The following ERCC6L variants were observed in gnomAD, a reference collection of about 807,000 sequenced individuals.
The protein encoded by ERCC6L is ERCC excision repair 6 like, spindle assembly checkpoint helicase, also known as DNA excision repair protein ERCC-6-like.
A neutral mutation model predicts 20.1 loss-of-function variants in ERCC6L; 7 were observed. That is an observed-to-expected ratio of 0.35 (90% CI 0.20 to 0.65). The LOEUF (loss-of-function observed/expected upper bound fraction) is 0.65. ERCC6L is among the 30% of genes least tolerant of loss of function. The probability of loss-of-function intolerance (pLI) is 0.69; values close to 1 mark genes in which losing one functional copy is unlikely to be tolerated. For missense variants in ERCC6L, 592 were observed against 892.4 expected, an observed-to-expected ratio of 0.66 and a Z score of 4.29; for synonymous variants, 278 against 331.3, an observed-to-expected ratio of 0.84 and a Z score of 1.75.
At chrX:72,213,002 A>G (rs1451401685) in intron 1 of ERCC6L, among the ~76,000 whole-genome samples, 1 of 112,339 alleles carries the variant, frequency 8.9e-6, no homozygotes, top group African/African-American at 3.2e-5. Flanking sequence ...TAACTCAATA[A>G]AACTTTGTTT....
chrX:72,213,646 C>T (rs2042870376), intron 1 of ERCC6L, among the ~76,000 whole-genome samples: 1 of 112,339 alleles, frequency 8.9e-6, no homozygotes, highest in Non-Finnish European at 1.9e-5. Context: ...CGCCCATTGC[C>T]GCTCCCAATC....
chrX:72,238,948 T>TTTGGAGCTTGGAGC lies in ERCC6L; in HGVS notation c.-51_-38dup, dbSNP rs749542997. ...TGGGTTCCAGTTACCCCGGCGGGAG[T>TTTGGAGCTTGGAGC]TTGGAGCTTGGAGCTTGGAGCTTGG... On this transcript the variant is annotated 5_prime_UTR_variant, in exon 1 of 2. Transcript: ENST00000334463. 0.02 allele frequency: 21,961 copies of TTTGGAGCTTGGAGC among 1,113,125 alleles called. 339 individuals are homozygous for TTTGGAGCTTGGAGC. The highest frequency in any genetic ancestry group is 0.02 in the Non-Finnish European group (16,677 of 822,765). 91.7% of individuals were successfully genotyped at this position (1,113,125 alleles called of 1,213,427 possible).
At chrX:72,237,644 G>A (rs1008926341) in intron 1 of ERCC6L, among the ~76,000 whole-genome samples, 3 of 106,866 alleles carry the variant, frequency 2.8e-5, no homozygotes, top group Non-Finnish European at 5.8e-5. Context: ...TGCGCCTGTG[G>A]TCCCAGCTAC....
intron 1 of ERCC6L, among the ~76,000 whole-genome samples, chrX:72,236,713 C>T (rs1475778662): frequency 8.9e-6 from 1 of 112,080 alleles, no homozygotes; most frequent in Non-Finnish European, 1.9e-5. Context: ...CAACTTTAAG[C>T]AAAATGACAC....
In ERCC6L at chrX:72,207,770, C is replaced by G. The variant is rs746565139; in HGVS notation, c.997G>C (p.Val333Leu). ...GGGTTGCTTGACTTTTTCTTCTGTA[C>G]GTCTTCTTTAGTCCTCCTGAGAAAA... ...PYFLRRTKED[V>L]QKKKSSNPEA... is the part of the protein sequence containing the mutation. Residue 333 changes from valine to leucine, a missense_variant, in exon 2 of 2, where the codon GTA becomes CTA. By Grantham distance (32) the Val-to-Leu change is conservative. Coordinates refer to ENST00000334463, the MANE Select transcript of ERCC6L (RefSeq NM_017669.4). 2.5e-6 allele frequency: 3 copies of G among 1,209,009 alleles called. No homozygotes were observed. In the African/African-American group the frequency reaches 5.3e-5, roughly 21 times the overall value.
At chrX:72,208,839 A>T in intron 1 of ERCC6L, 141 bp from the exon 2 acceptor site, 1 of 498,563 alleles carries the variant, frequency 2.0e-6, no homozygotes, top group Non-Finnish European at 3.2e-6. Context: ...AGCACACAAG[A>T]TGCCAATGAA....
intron 1 of ERCC6L, among the ~76,000 whole-genome samples, chrX:72,226,132 T>C (rs1402704664): frequency 3.6e-5 from 4 of 111,823 alleles, no homozygotes; most frequent in African/African-American, 1.3e-4. Flanking sequence ...TGCTCCCCCC[T>C]TAATCCTGCC....
chrX:72,214,729 G>A (rs1268425288), intron 1 of ERCC6L, among the ~76,000 whole-genome samples: 1 of 104,941 alleles, frequency 9.5e-6, no homozygotes, highest in African/African-American at 3.5e-5. Flanking sequence ...GCTCACACCT[G>A]TAATCCTAGC....
intron 1 of ERCC6L, among the ~76,000 whole-genome samples, chrX:72,232,445 G>A (rs370061975): frequency 8.0e-4 from 80 of 100,378 alleles, no homozygotes; most frequent in African/African-American, 3.0e-3. Flanking sequence ...AAAAGACATG[G>A]CATTCCAACA....
intron 1 of ERCC6L, among the ~76,000 whole-genome samples, chrX:72,220,923 C>A (rs1248753104): frequency 8.9e-6 from 1 of 111,856 alleles, no homozygotes; most frequent in Non-Finnish European, 1.9e-5. Flanking sequence ...GGGGCAGAGG[C>A]TCTCTTGCAA....
At chrX:72,212,160 C>G (rs570439969) in intron 1 of ERCC6L, among the ~76,000 whole-genome samples, 2 of 110,159 alleles carry the variant, frequency 1.8e-5, no homozygotes, top group South Asian at 7.9e-4. Context: ...GCCTGTAATC[C>G]CAGCTACTCG....
At chrX:72,236,181 T>TG (rs1188595243) in intron 1 of ERCC6L, among the ~76,000 whole-genome samples, 2 of 112,390 alleles carry the variant, frequency 1.8e-5, no homozygotes, top group Non-Finnish European at 3.8e-5. Flanking sequence ...CTGCTGGGCA[T>TG]GGTGGCTCAC....
chrX:72,237,986 G>A (rs1165587361), intron 1 of ERCC6L: 1 of 110,892 alleles, frequency 9.0e-6, no homozygotes, highest in African/African-American at 3.3e-5. Context: ...AATTCACAGA[G>A]ACAGAATAAT....
intron 1 of ERCC6L, among the ~76,000 whole-genome samples, chrX:72,227,593 A>G (rs73225104): frequency 0.015 from 1,620 of 111,101 alleles, 9 homozygotes; most frequent in Middle Eastern, 0.023. Flanking sequence ...CCTCTTCTGT[A>G]TATTATCCGC....
At chrX:72,219,739 C>T (rs776031323) in intron 1 of ERCC6L, among the ~76,000 whole-genome samples, 1 of 108,704 alleles carries the variant, frequency 9.2e-6, no homozygotes, top group Non-Finnish European at 1.9e-5. Flanking sequence ...ATCCCAGCTA[C>T]TCAGGAGGCT....
intron 1 of ERCC6L, among the ~76,000 whole-genome samples, chrX:72,221,331 C>T (rs1184390110): frequency 8.9e-6 from 1 of 111,958 alleles, no homozygotes; most frequent in African/African-American, 3.3e-5. Flanking sequence ...GTTAGGTCTG[C>T]CATCCCGGTC....
chrX:72,212,608 G>A (rs1056718760), intron 1 of ERCC6L, among the ~76,000 whole-genome samples: 13 of 111,993 alleles, frequency 1.2e-4, no homozygotes, highest in Non-Finnish European at 2.1e-4. Flanking sequence ...CCTTGCTATG[G>A]AGGGCCCTTT....
chrX:72,206,917 C>T lies in ERCC6L; in HGVS notation c.1850G>A (p.Arg617Gln), dbSNP rs1334048330. The change falls in exon 2 of 2, where the codon CGA (arginine) becomes CAA (glutamine). Residue 617 changes from arginine to glutamine, a missense_variant. Coordinates refer to ENST00000334463, the MANE Select transcript of ERCC6L (RefSeq NM_017669.4). The stretch of plus-strand genomic sequence containing the variant: ...TCTTAATTCTTGTTTACTAAAATAT[C>T]GGAAAGGGTTCTTTTTTTCACCAGT... The part of the protein sequence containing the change: ...QTTGEKKNPF[R>Q]YFSKQELREL... The T allele has an allele frequency of 5.8e-6, 7 of 1,209,556 alleles. No homozygotes were observed. Among genetic ancestry groups the T allele is most frequent in the Admixed American group, 4.4e-5 (2 of 45,665 alleles).
Position 72,238,972 on chromosome X carries a change from G to T in ERCC6L, c.-61C>A. On this transcript the variant is annotated 5_prime_UTR_variant, in exon 1 of 2. Transcript: ENST00000334463. Reference sequence around the variant, plus strand: ...GTTTGGAGCTTGGAGCTTGGAGCTTGGAGCTTGGAGCTTAGAGTTTGGAGC... The same window carrying T: ...GTTTGGAGCTTGGAGCTTGGAGCTTTGAGCTTGGAGCTTAGAGTTTGGAGC... 9.7e-7 allele frequency: 1 copy of T among 1,032,364 alleles called. No individual in the cohort carries two copies. The highest frequency in any genetic ancestry group is 1.3e-6 in the Non-Finnish European group (1 of 751,570). 85.1% of individuals were successfully genotyped at this position (1,032,364 alleles called of 1,213,427 possible). A position where few individuals can be genotyped will look rare whatever the true frequency, so the allele number is the denominator to read the frequency against.
Sources: gnomAD v4.1 joint callset for allele counts (sites outside exome capture counted in the v4.1 genomes callset) on GRCh38, gnomAD v4.1.1 for gene constraint, MANE v1.5 for transcripts, NCBI Gene and HGNC (gene_info 2026-07-23, HGNC 2026-07-21) for gene names.